Variants in CTBP2 observed in about 807,000 individuals in gnomAD.
CTBP2 encodes the protein C-terminal-binding protein 2.
Under a neutral mutation model 80.3 loss-of-function variants are expected in CTBP2, and 30 were observed. The observed-to-expected ratio is 0.37, with a 90% CI of 0.28 to 0.51. The LOEUF is 0.51. CTBP2 is among the 20% of genes least tolerant of loss of function. The pLI is 0.93. For synonymous variants in CTBP2, 594 were observed against 587.4 expected (o/e 1.01, Z -0.16); for missense variants, 1,212 against 1,375.3 (o/e 0.88, Z 1.88).
At chr10:125,018,287 G>A (rs1430424029) in intron 1 of CTBP2, among the ~76,000 whole-genome samples, 1 of 152,220 alleles carries the variant, frequency 6.6e-6, no homozygotes, top group Non-Finnish European at 1.5e-5. Flanking sequence ...CACTTTGGGA[G>A]GCTGAGGCGG....
intron 7 of CTBP2, 135 bp from the exon 10 acceptor site, chr10:124,992,947 G>T: frequency 3.5e-6 from 3 of 852,314 alleles, no homozygotes; most frequent in Non-Finnish European, 5.4e-6. Flanking sequence ...AAGTGCTTGA[G>T]CTCTTCAACA....
chr10:124,994,376 C>T, intron 5 of CTBP2, 93 bp downstream of exon 7: 1 of 1,264,962 alleles, frequency 7.9e-7, no homozygotes, highest in Non-Finnish European at 1.1e-6. Context: ...TATCCAGAAA[C>T]CACCTCCGTT....
At chr10:125,050,584 A>G (rs1010663531) in intron 2 of CTBP2, among the ~76,000 whole-genome samples, 1 of 152,060 alleles carries the variant, frequency 6.6e-6, no homozygotes, top group African/African-American at 2.4e-5. Context: ...ACACAAATTC[A>G]TCTTTGCCTA....
intron 1 of CTBP2, among the ~76,000 whole-genome samples, chr10:125,142,651 C>G (rs1858035097): frequency 6.6e-6 from 1 of 152,114 alleles, no homozygotes; most frequent in African/African-American, 2.4e-5. Context: ...AAACTTGATC[C>G]TTCTCAAAAA....
chr10:125,088,612 C>T (rs1038954825), intron 2 of CTBP2, among the ~76,000 whole-genome samples: 1 of 151,814 alleles, frequency 6.6e-6, no homozygotes, highest in African/African-American at 2.4e-5. Flanking sequence ...TTGCTCATTA[C>T]CTTCTGAACT....
rs79557750 is a variant in CTBP2 at position 124,993,371 on chromosome 10, C to T, written c.2532-42G>A. On this transcript the variant is annotated intron_variant, in intron 6 of 8. Coordinates refer to ENST00000309035, the MANE Select transcript of CTBP2 (RefSeq NM_022802.3). ...AAAACAGAGTAAGCGGGAAATGTCGCATACGCTCCCTGCCCTCCTCAGCAC... is the reference window on the plus strand; with the variant it reads ...AAAACAGAGTAAGCGGGAAATGTCGTATACGCTCCCTGCCCTCCTCAGCAC... The T allele has an allele frequency of 1.6e-4, 250 of 1,585,358 alleles. No individual in the cohort carries two copies. The East Asian group carries it at 2.3e-3, about 15-fold the overall frequency.
chr10:125,067,187 A>C (rs1037187912), intron 2 of CTBP2, among the ~76,000 whole-genome samples: 3 of 152,236 alleles, frequency 2.0e-5, no homozygotes, highest in African/African-American at 7.2e-5. Flanking sequence ...AAAACATCAC[A>C]CAAACTGCAG....
At chr10:125,008,492 G>A (rs1194425877) in intron 1 of CTBP2, among the ~76,000 whole-genome samples, 1 of 152,256 alleles carries the variant, frequency 6.6e-6, no homozygotes, top group Non-Finnish European at 1.5e-5. Flanking sequence ...TAGTGGCCTT[G>A]CAGGAGGGAG....
chr10:125,159,218 T>C (rs2133542991), intron 1 of CTBP2, among the ~76,000 whole-genome samples: 1 of 147,408 alleles, frequency 6.8e-6, no homozygotes, highest in South Asian at 2.1e-4. Context: ...CCGCACCGGG[T>C]CCCTGCCGCC....
intron 1 of CTBP2, among the ~76,000 whole-genome samples, chr10:125,010,933 C>T (rs1955820202): frequency 6.6e-6 from 1 of 152,236 alleles, no homozygotes; most frequent in African/African-American, 2.4e-5. Context: ...TCAGCCAGCC[C>T]ACTCCTCACA....
intron 1 of CTBP2, among the ~76,000 whole-genome samples, chr10:125,158,255 C>T (rs1444932144): frequency 6.6e-6 from 1 of 152,148 alleles, no homozygotes; most frequent in African/African-American, 2.4e-5. Context: ...AAACAGCAAT[C>T]TTAGGTACTG....
chr10:125,117,860 G>A (rs1853598138), intron 1 of CTBP2, among the ~76,000 whole-genome samples: 1 of 152,188 alleles, frequency 6.6e-6, no homozygotes. Flanking sequence ...TGGCACAGAG[G>A]CACTTCAGGT....
At position 124,993,345 on chromosome 10, in the gene CTBP2, A is replaced by G. The variant is rs551588623; in HGVS notation, c.2532-16T>C. 1.2e-6 allele frequency: 2 copies of G among 1,603,868 alleles called. No individual in the cohort carries two copies. Among genetic ancestry groups the G allele is most frequent in the African/African-American group, 1.3e-5 (1 of 74,900 alleles). Reference sequence around the variant, plus strand: ...CTGAGCAAAGCTAGAAAAATGTAGAAAAAACAGAGTAAGCGGGAAATGTCG... The same window carrying G: ...CTGAGCAAAGCTAGAAAAATGTAGAGAAAACAGAGTAAGCGGGAAATGTCG... On this transcript the variant is annotated splice_polypyrimidine_tract_variant and intron_variant, in intron 6 of 8. Coordinates refer to ENST00000309035, the MANE Select transcript of CTBP2 (RefSeq NM_022802.3).
At chr10:125,036,299 G>C (rs531351693) in intron 3 of CTBP2, among the ~76,000 whole-genome samples, 1 of 152,248 alleles carries the variant, frequency 6.6e-6, no homozygotes, top group African/African-American at 2.4e-5. Context: ...CCTGGAGTGG[G>C]ACCCTGGAGA....
At chr10:125,088,565 C>T (rs1848331530) in intron 2 of CTBP2, among the ~76,000 whole-genome samples, 2 of 152,132 alleles carry the variant, frequency 1.3e-5, no homozygotes, top group South Asian at 4.1e-4. Flanking sequence ...AATGGACAAG[C>T]TGAAATCACC....
intron 2 of CTBP2, among the ~76,000 whole-genome samples, chr10:125,077,206 C>T (rs1227232321): frequency 6.6e-6 from 1 of 152,130 alleles, no homozygotes; most frequent in African/African-American, 2.4e-5. Context: ...CTATTGTAAG[C>T]GGAAAACAAG....
At chr10:125,062,310 T>A (rs551895538) in intron 2 of CTBP2, among the ~76,000 whole-genome samples, 1 of 152,320 alleles carries the variant, frequency 6.6e-6, no homozygotes, top group African/African-American at 2.4e-5. Context: ...CACTGAACTA[T>A]TTGTTGATGT....
intron 2 of CTBP2, among the ~76,000 whole-genome samples, chr10:125,108,430 CTG>C: frequency 3.9e-5 from 6 of 152,240 alleles, no homozygotes; most frequent in African/African-American, 1.4e-4. Context: ...CCTCCTTCTT[CTG>C]TGCCCACATT....
At chr10:125,135,881 T>C (rs528778614) in intron 1 of CTBP2, among the ~76,000 whole-genome samples, 2 of 152,244 alleles carry the variant, frequency 1.3e-5, no homozygotes, top group African/African-American at 4.8e-5. Context: ...AGGGCAGCCT[T>C]CTGCCCTCTG....
Sources: gnomAD v4.1 joint callset for allele counts (sites outside exome capture counted in the v4.1 genomes callset) on GRCh38, gnomAD v4.1.1 for gene constraint, MANE v1.5 for transcripts, NCBI Gene and HGNC (gene_info 2026-07-23, HGNC 2026-07-21) for gene names.